PAK5: variants seen among roughly 807,000 people sequenced by gnomAD.
PAK5 encodes the protein p21 (RAC1) activated kinase 5.
In PAK5, 16 loss-of-function variants were observed where a neutral mutation model predicts 65.9. That is an observed-to-expected ratio of 0.24 (90% CI 0.16 to 0.37). The LOEUF (loss-of-function observed/expected upper bound fraction) is 0.37. Among genes scored for constraint, PAK5 ranks in the 10% least tolerant of loss-of-function variants. PAK5 has a pLI of 1.00. For missense variants in PAK5, 785 were observed against 903.9 expected, an observed-to-expected ratio of 0.87 and a Z score of 1.69; for synonymous variants, 371 against 354.9, an observed-to-expected ratio of 1.05 and a Z score of -0.51.
chr20:9,550,970 C>A (rs915563841), intron 7 of PAK5, among the ~76,000 whole-genome samples: 2 of 151,862 alleles, frequency 1.3e-5, no homozygotes, highest in Admixed American at 6.6e-5. Flanking sequence ...ATGCCCAAAC[C>A]CCTCAAAATC....
At chr20:9,599,686 G>T (rs983510060) in intron 3 of PAK5, among the ~76,000 whole-genome samples, 1 of 151,948 alleles carries the variant, frequency 6.6e-6, no homozygotes, top group Non-Finnish European at 1.5e-5. Context: ...TCTTTTGCTT[G>T]TATTTGAGTT....
chr20:9,733,216 C>G (rs1232860182), intron 1 of PAK5, among the ~76,000 whole-genome samples: 4 of 152,174 alleles, frequency 2.6e-5, no homozygotes, highest in African/African-American at 9.7e-5. Flanking sequence ...TGCATAATTA[C>G]ACACTGGGAT....
chr20:9,611,296 T>A (rs1187550311), intron 3 of PAK5, among the ~76,000 whole-genome samples: 1 of 152,170 alleles, frequency 6.6e-6, no homozygotes, highest in East Asian at 1.9e-4. Context: ...TCTCCTCCTA[T>A]CTGCCCAAAA....
Position 9,538,859 on chromosome 20 carries a change from A to G in PAK5, c.*603T>C, listed in dbSNP as rs551065035. The G allele has an allele frequency of 1.3e-5, 3 of 233,294 alleles. No homozygotes were observed. Among genetic ancestry groups the G allele is most frequent in the South Asian group, 3.6e-4 (2 of 5,522 alleles). 14.5% of individuals were successfully genotyped at this position (233,294 alleles called of 1,614,324 possible). A position where few individuals can be genotyped will look rare whatever the true frequency, so the allele number is the denominator to read the frequency against. On this transcript the variant is annotated 3_prime_UTR_variant, in exon 10 of 10. Coordinates refer to ENST00000353224, the MANE Select transcript of PAK5 (RefSeq NM_177990.4). ...TGACGGTGATTGAGAGTCATTCAGT[A>G]TTCAAAGTTCCTAAAGAATCATTGG...
chr20:9,571,878 G>GA (rs577976166), intron 4 of PAK5, among the ~76,000 whole-genome samples: 3 of 145,930 alleles, frequency 2.1e-5, no homozygotes, highest in Non-Finnish European at 4.5e-5. Flanking sequence ...GAATGATGGG[G>GA]GGGGGGGATG....
chr20:9,736,615 T>C (rs2048392214), intron 1 of PAK5, among the ~76,000 whole-genome samples: 1 of 152,226 alleles, frequency 6.6e-6, no homozygotes, highest in Non-Finnish European at 1.5e-5. Flanking sequence ...GATGGGTTAT[T>C]ATCATGAAGG....
At position 9,542,464 on chromosome 20, in the gene PAK5, A is replaced by G; in HGVS notation, c.2004+122T>C. ...GATTCAAACCTAAGTGACTATTTCC[A>G]AAGTCCATGCTCATAAACCAGGATC... On this transcript the variant is annotated intron_variant, in intron 9 of 9. Transcript: ENST00000353224. The G allele has an allele frequency of 1.1e-5, 11 of 984,014 alleles. No individual in the cohort carries two copies. In the South Asian group the frequency reaches 1.3e-4, roughly 12 times the overall value. The allele number at this position is 984,014 out of a possible 1,614,324, so 61.0% of individuals were successfully genotyped here. A position where few individuals can be genotyped will look rare whatever the true frequency, so the allele number is the denominator to read the frequency against.
chr20:9,675,064 C>T (rs911071369), intron 2 of PAK5, among the ~76,000 whole-genome samples: 2 of 152,150 alleles, frequency 1.3e-5, no homozygotes, highest in African/African-American at 2.4e-5. Context: ...GGAACTCTGG[C>T]TCCTGAGGAA....
At chr20:9,647,398 C>T (rs150287951) in intron 2 of PAK5, among the ~76,000 whole-genome samples, 1 of 152,114 alleles carries the variant, frequency 6.6e-6, no homozygotes, top group South Asian at 2.1e-4. Flanking sequence ...TTTAAAAATG[C>T]AAGATGGAAA....
intron 1 of PAK5, among the ~76,000 whole-genome samples, chr20:9,812,600 T>C (rs2049310635): frequency 6.6e-6 from 1 of 152,074 alleles, no homozygotes; most frequent in Non-Finnish European, 1.5e-5. Flanking sequence ...CCAAGGGAAG[T>C]AGAGGGATAT....
intron 9 of PAK5, among the ~76,000 whole-genome samples, chr20:9,540,771 G>A (rs1227806511): frequency 6.8e-6 from 1 of 146,472 alleles, no homozygotes; most frequent in Non-Finnish European, 1.5e-5. Context: ...TAGTCTCGCT[G>A]TGTCACCTAG....
intron 1 of PAK5, among the ~76,000 whole-genome samples, chr20:9,729,452 G>A (rs1367375398): frequency 6.6e-6 from 1 of 151,866 alleles, no homozygotes; most frequent in Non-Finnish European, 1.5e-5. Flanking sequence ...CACTTCCATA[G>A]CATCAGAATC....
intron 1 of PAK5, among the ~76,000 whole-genome samples, chr20:9,802,157 T>A (rs1352218195): frequency 6.6e-6 from 1 of 152,166 alleles, no homozygotes; most frequent in Non-Finnish European, 1.5e-5. Flanking sequence ...CCCATACTTC[T>A]GGGTTGTGCA....
At chr20:9,549,179 G>A (rs2045389924) in intron 7 of PAK5, among the ~76,000 whole-genome samples, 1 of 152,076 alleles carries the variant, frequency 6.6e-6, no homozygotes, top group African/African-American at 2.4e-5. Flanking sequence ...GAGAGAAAGA[G>A]GAGTGATGTT....
intron 3 of PAK5, among the ~76,000 whole-genome samples, chr20:9,618,017 T>C (rs549047988): frequency 2.6e-4 from 39 of 152,268 alleles, no homozygotes; most frequent in African/African-American, 9.1e-4. Context: ...GTCGAACCTA[T>C]CAAAAGAAAC....
At chr20:9,566,527 C>T (rs141104054) in intron 4 of PAK5, 143 bp from the exon 5 acceptor site, 8 of 759,048 alleles carry the variant, frequency 1.1e-5, no homozygotes, top group South Asian at 1.7e-5. Flanking sequence ...CCAACAGGAC[C>T]GGCCACACCT....
intron 2 of PAK5, among the ~76,000 whole-genome samples, chr20:9,671,642 A>T (rs7352534): frequency 0.048 from 6,153 of 127,704 alleles, 234 homozygotes; most frequent in South Asian, 0.14. Context: ...GAGACTTTGC[A>T]GAAGTTGCTT....
At chr20:9,630,876 T>G (rs2046912363) in intron 3 of PAK5, among the ~76,000 whole-genome samples, 2 of 152,124 alleles carry the variant, frequency 1.3e-5, no homozygotes, top group Admixed American at 1.3e-4. Flanking sequence ...CCATTTTGAA[T>G]CAGAATTTTT....
At chr20:9,750,997 C>T (rs138348572) in intron 1 of PAK5, among the ~76,000 whole-genome samples, 2 of 152,220 alleles carry the variant, frequency 1.3e-5, no homozygotes, top group East Asian at 3.9e-4. Flanking sequence ...CTGCAGTCTC[C>T]CAAAACAAGT....
Sources: gnomAD v4.1 joint callset for allele counts (sites outside exome capture counted in the v4.1 genomes callset) on GRCh38, gnomAD v4.1.1 for gene constraint, MANE v1.5 for transcripts, NCBI Gene and HGNC (gene_info 2026-07-23, HGNC 2026-07-21) for gene names.